Variants in NHERF4 observed in about 807,000 individuals in gnomAD.
NHERF4 encodes Na(+)/H(+) exchange regulatory cofactor NHE-RF4.
At chr11:119,188,284 G>C in the NHERF4 span, 10 of 1,593,246 alleles carry the variant, frequency 6.3e-6, no homozygotes, top group Non-Finnish European at 7.7e-6. Flanking sequence ...TCACTCTGGG[G>C]TCAGTCCCCT....
chr11:119,190,191 TA>T, the NHERF4 span: 1 of 1,098,076 alleles, frequency 9.1e-7, no homozygotes. This position sits in a 1 kb window ranked among gnomAD's most constrained non-coding sequence, Gnocchi z 4.2. Context: ...GAAAACTAAA[TA>T]AAAATAAAAA....
At chr11:119,187,593 A>C in the NHERF4 span, 3 of 1,588,108 alleles carry the variant, frequency 1.9e-6, no homozygotes, top group Non-Finnish European at 2.6e-6. Flanking sequence ...GTTGGTGCTA[A>C]GTACTGGAGG....
At chr11:119,188,533 G>T in the NHERF4 span, 1 of 1,599,068 alleles carries the variant, frequency 6.3e-7, no homozygotes, top group Non-Finnish European at 8.5e-7. Flanking sequence ...ACCCTGAGGC[G>T]GACCGCTTCT....
the NHERF4 span, chr11:119,186,083 T>A: frequency 6.2e-7 from 1 of 1,610,746 alleles, no homozygotes; most frequent in Non-Finnish European, 8.5e-7. This position sits in a 1 kb window ranked among gnomAD's most constrained non-coding sequence, Gnocchi z 4.4. Flanking sequence ...TTCCCCTGCC[T>A]CCTTGCAGGA....
the NHERF4 span, chr11:119,185,520 C>G: frequency 1.2e-6 from 2 of 1,613,660 alleles, no homozygotes; most frequent in African/African-American, 2.7e-5. Flanking sequence ...GGTAGGAGGC[C>G]AGGAGAAATC....
At chr11:119,189,299 C>T in the NHERF4 span, 1 of 1,493,084 alleles carries the variant, frequency 6.7e-7, no homozygotes, top group South Asian at 1.2e-5. This position sits in a 1 kb window ranked among gnomAD's most constrained non-coding sequence, Gnocchi z 5.8. Flanking sequence ...CAAGGTGAAG[C>T]CGTGTGGGGT....
chr11:119,186,397 A>G, the NHERF4 span: 1 of 1,568,406 alleles, frequency 6.4e-7, no homozygotes, highest in Middle Eastern at 1.7e-4. The surrounding 1 kb of genome is among the most constrained non-coding windows in gnomAD (Gnocchi z 4.4). Flanking sequence ...ATCAGGACAC[A>G]GGGTCTGCCA....
chr11:119,188,706 T>C, the NHERF4 span: 2 of 1,614,190 alleles, frequency 1.2e-6, no homozygotes, highest in Non-Finnish European at 1.7e-6. Context: ...GGGCAGCAGC[T>C]CAGCCTCACT....
chr11:119,187,327 C>A, the NHERF4 span: 1 of 1,613,190 alleles, frequency 6.2e-7, no homozygotes, highest in South Asian at 1.1e-5. Context: ...ATTGGCACGG[C>A]ATGCACATGA....
chr11:119,188,202 C>G, the NHERF4 span: 1 of 1,514,292 alleles, frequency 6.6e-7, no homozygotes. Flanking sequence ...GGCACACAAG[C>G]GTATATACAC....
chr11:119,190,065 G>A, the NHERF4 span: 3 of 509,240 alleles, frequency 5.9e-6, no homozygotes, highest in South Asian at 3.2e-5. The surrounding 1 kb of genome is among the most constrained non-coding windows in gnomAD (Gnocchi z 4.2). Context: ...TTGAGACCTG[G>A]TCAAATTTAT....
At chr11:119,190,162 A>G in the NHERF4 span, 1 of 906,736 alleles carries the variant, frequency 1.1e-6, no homozygotes, top group Non-Finnish European at 1.6e-6. The surrounding 1 kb of genome is among the most constrained non-coding windows in gnomAD (Gnocchi z 4.2). Context: ...AATAAACAAC[A>G]ACAAAAACAA....
the NHERF4 span, chr11:119,189,272 G>A: frequency 1.8e-4 from 279 of 1,535,398 alleles, no homozygotes; most frequent in Non-Finnish European, 2.2e-4. This position sits in a 1 kb window ranked among gnomAD's most constrained non-coding sequence, Gnocchi z 5.8. Context: ...AGAAAGAAGG[G>A]CAGAGTGGGC....
chr11:119,186,721 C>G, the NHERF4 span: 2 of 1,560,892 alleles, frequency 1.3e-6, no homozygotes, highest in Non-Finnish European at 1.7e-6. The surrounding 1 kb of genome is among the most constrained non-coding windows in gnomAD (Gnocchi z 4.4). Flanking sequence ...AGCATGCTAG[C>G]ACCTCAGAAA....
chr11:119,186,484 T>C, the NHERF4 span: 2 of 1,614,084 alleles, frequency 1.2e-6, no homozygotes, highest in East Asian at 4.5e-5. This position sits in a 1 kb window ranked among gnomAD's most constrained non-coding sequence, Gnocchi z 4.4. Context: ...TCCAGATCCC[T>C]GGAGCCTGGA....
At chr11:119,189,645 C>A in the NHERF4 span, 2 of 819,482 alleles carry the variant, frequency 2.4e-6, no homozygotes, top group Middle Eastern at 3.3e-4. The surrounding 1 kb of genome is among the most constrained non-coding windows in gnomAD (Gnocchi z 5.8). Flanking sequence ...TCCCTTCCTG[C>A]AGGCCCACCT....
chr11:119,188,855 C>T, the NHERF4 span: 1 of 1,614,138 alleles, frequency 6.2e-7, no homozygotes, highest in Non-Finnish European at 8.5e-7. Context: ...GGCCTCGTCT[C>T]TTCATCTCCC....
At chr11:119,188,246 G>A in the NHERF4 span, 4 of 1,566,244 alleles carry the variant, frequency 2.6e-6, no homozygotes, top group Non-Finnish European at 3.5e-6. Context: ...CCCTGTCTGA[G>A]CTCTGGCCCT....
At chr11:119,186,654 G>C in the NHERF4 span, 1 of 1,610,970 alleles carries the variant, frequency 6.2e-7, no homozygotes, top group South Asian at 1.1e-5. This position sits in a 1 kb window ranked among gnomAD's most constrained non-coding sequence, Gnocchi z 4.4. Context: ...TCCTGGCGGT[G>C]AACAATGATG....
Sources: gnomAD v4.1 joint callset for allele counts on GRCh38, gnomAD v4.1.1 for gene constraint, Gnocchi (gnomAD v3.1) non-coding constraint, MANE v1.5 for transcripts, NCBI Gene and HGNC (gene_info 2026-07-23, HGNC 2026-07-21) for gene names.